Variants in CEP70 observed in about 807,000 individuals in gnomAD.
CEP70 encodes the protein centrosomal protein 70, also known as centrosomal protein of 70 kDa.
CEP70 carries 70 observed loss-of-function variants against 90.9 expected under a neutral mutation model. That is an observed-to-expected ratio of 0.77 (90% CI 0.64 to 0.94). The LOEUF is 0.94. CEP70 is among the 40% of genes least tolerant of loss of function. The probability of loss-of-function intolerance (pLI) is 0.00; values close to 1 mark genes in which losing one functional copy is unlikely to be tolerated. For missense variants in CEP70, 648 were observed against 669.0 expected (o/e 0.97, Z 0.35); for synonymous variants, 220 against 228.3 (o/e 0.96, Z 0.33).
At chr3:138,563,446 A>G (rs1489055839) in intron 6 of CEP70, among the ~76,000 whole-genome samples, 5 of 152,240 alleles carry the variant, frequency 3.3e-5, no homozygotes, top group African/African-American at 4.8e-5. Context: ...CATAATTAGA[A>G]GTAAAACACT....
chr3:138,531,266 G>A (rs75855140), intron 8 of CEP70, among the ~76,000 whole-genome samples: 307 of 152,078 alleles, frequency 2.0e-3, no homozygotes, highest in African/African-American at 7.0e-3. Context: ...AGAGAACCCC[G>A]TTTGCAGAAC....
intron 10 of CEP70, among the ~76,000 whole-genome samples, chr3:138,526,320 C>A (rs543502282): frequency 6.6e-6 from 1 of 151,874 alleles, no homozygotes; most frequent in Non-Finnish European, 1.5e-5. Context: ...ACCACCACAC[C>A]GGGCTGATTT....
At chr3:138,515,428 G>T (rs756898343) in intron 11 of CEP70, among the ~76,000 whole-genome samples, 3 of 130,584 alleles carry the variant, frequency 2.3e-5, no homozygotes, top group Non-Finnish European at 4.6e-5. Flanking sequence ...TAACTCAGAG[G>T]CCATCTTAAA....
At chr3:138,519,310 C>G (rs369298802) in intron 11 of CEP70, among the ~76,000 whole-genome samples, 2 of 152,104 alleles carry the variant, frequency 1.3e-5, no homozygotes, top group South Asian at 4.1e-4. Context: ...GGCCAACATT[C>G]AAACTCAGGA....
chr3:138,541,435 A>AG (rs1285803313), intron 6 of CEP70, among the ~76,000 whole-genome samples: 2 of 151,700 alleles, frequency 1.3e-5, no homozygotes, highest in Admixed American at 6.6e-5. Context: ...AAAAAGAAAA[A>AG]AAAAAACCTG....
At chr3:138,574,334 C>T (rs1237687315) in intron 2 of CEP70, among the ~76,000 whole-genome samples, 2 of 152,218 alleles carry the variant, frequency 1.3e-5, no homozygotes, top group Non-Finnish European at 2.9e-5. Flanking sequence ...GAGCCTTGCT[C>T]ACTGCTAGCG....
rs990295824 is a variant in CEP70 at position 138,532,543 on chromosome 3, T to G, written c.663A>C (p.Glu221Asp). ...GTGTATGAATTTTTCTAATTTTAGA[T>G]TCATAGTAATCAATTAGACAAAGCA... is the stretch of plus-strand genomic sequence containing the variant. ...RQLLCLIDYY[E>D]SKIRKIHTQR... Residue 221 changes from glutamate to aspartate, a missense_variant, in exon 8 of 18, where the codon GAA (glutamate) becomes GAC (aspartate). Transcript: ENST00000264982. The G allele has an allele frequency of 6.6e-7, 1 of 1,510,356 alleles. No homozygotes were observed. The highest frequency in any genetic ancestry group is 1.4e-5 in the African/African-American group (1 of 69,562). 93.6% of individuals were successfully genotyped at this position (1,510,356 alleles called of 1,614,324 possible). A position where few individuals can be genotyped will look rare whatever the true frequency, so the allele number is the denominator to read the frequency against.
chr3:138,566,811 A>G (rs572582398), intron 6 of CEP70, among the ~76,000 whole-genome samples: 6 of 151,510 alleles, frequency 4.0e-5, no homozygotes, highest in East Asian at 3.9e-4. Flanking sequence ...AAGTATATAT[A>G]TATATATAAA....
chr3:138,584,423 C>T (rs1170122041), intron 2 of CEP70, among the ~76,000 whole-genome samples: 1 of 132,866 alleles, frequency 7.5e-6, no homozygotes, highest in Admixed American at 9.1e-5. Flanking sequence ...TCTATGAGGC[C>T]AGTATTACCC....
intron 13 of CEP70, among the ~76,000 whole-genome samples, chr3:138,504,278 T>C (rs566992713): frequency 6.6e-6 from 1 of 152,330 alleles, no homozygotes; most frequent in African/African-American, 2.4e-5. Flanking sequence ...GTTTATGTAT[T>C]GTATAGCTCT....
rs1292788276 is a variant in CEP70, at chr3:138,513,171, AC to A, written c.945-4628del. Among the ~76,000 whole-genome samples the A allele has an allele frequency of 2.6e-5, 4 of 152,324 alleles. No homozygotes were observed. In the South Asian group the frequency reaches 8.3e-4, roughly 32 times the overall value. ...GGGAAAGCTGTCCTCTCCACACCAG[AC>A]ATGATGCACAGCCTGTGCACTGCAA... On this transcript the variant is annotated intron_variant, in intron 11 of 17. Coordinates refer to ENST00000264982, the MANE Select transcript of CEP70 (RefSeq NM_024491.4).
At chr3:138,499,783 T>TAC (rs56826450) in intron 16 of CEP70, 9,407 of 191,530 alleles carry the variant, frequency 0.049, 136 homozygotes, top group South Asian at 0.08. Context: ...TCTCTCTCTC[T>TAC]ACACACACAC....
chr3:138,496,848 G>A (rs540190103), intron 17 of CEP70: 1 of 985,458 alleles, frequency 1.0e-6, no homozygotes, highest in South Asian at 4.7e-5. Context: ...ACCATGCTGA[G>A]TGTCATAATA....
intron 6 of CEP70, among the ~76,000 whole-genome samples, chr3:138,564,472 A>G (rs1240658852): frequency 6.6e-6 from 1 of 152,234 alleles, no homozygotes; most frequent in Non-Finnish European, 1.5e-5. Flanking sequence ...AACCAAATCC[A>G]GCAGCACATC....
chr3:138,555,668 C>G (rs904233110), intron 6 of CEP70, among the ~76,000 whole-genome samples: 3 of 152,176 alleles, frequency 2.0e-5, no homozygotes, highest in African/African-American at 7.2e-5. Context: ...AAAACATGCT[C>G]AACAACACCA....
intron 6 of CEP70, among the ~76,000 whole-genome samples, chr3:138,549,262 A>C (rs1456397197): frequency 6.6e-6 from 1 of 151,618 alleles, no homozygotes; most frequent in Non-Finnish European, 1.5e-5. Context: ...GAGGCACGGA[A>C]GCCCTGCTGG....
At chr3:138,542,479 A>G (rs756508227) in intron 6 of CEP70, among the ~76,000 whole-genome samples, 1 of 152,220 alleles carries the variant, frequency 6.6e-6, no homozygotes. Context: ...CAGGTGGCAC[A>G]TGTTTCAGCC....
At chr3:138,557,572 T>C (rs1389480595) in intron 6 of CEP70, among the ~76,000 whole-genome samples, 1 of 152,210 alleles carries the variant, frequency 6.6e-6, no homozygotes, top group African/African-American at 2.4e-5. Flanking sequence ...TCCACATTCA[T>C]CTGTCATGGC....
chr3:138,514,527 C>T (rs1309458585), intron 11 of CEP70, among the ~76,000 whole-genome samples: 2 of 152,038 alleles, frequency 1.3e-5, no homozygotes, highest in African/African-American at 4.8e-5. Context: ...ATTTCCCCAG[C>T]ATCAGTAGTA....
Sources: gnomAD v4.1 joint callset for allele counts (sites outside exome capture counted in the v4.1 genomes callset) on GRCh38, gnomAD v4.1.1 for gene constraint, MANE v1.5 for transcripts, NCBI Gene and HGNC (gene_info 2026-07-23, HGNC 2026-07-21) for gene names.